Variants in MTMR2 observed in about 807,000 individuals in gnomAD.
MTMR2 encodes phosphatidylinositol-3,5-bisphosphate 3-phosphatase MTMR2.
A neutral mutation model predicts 86.9 loss-of-function variants in MTMR2; 55 were observed. The ratio of observed to expected loss-of-function variants is 0.63; its 90% CI spans 0.51 to 0.79. The LOEUF is 0.79. Ranked by LOEUF, MTMR2 falls within the 30% of genes least tolerant of loss-of-function variation. The pLI is 0.00. For missense variants in MTMR2, 659 were observed against 772.3 expected (o/e 0.85, Z 1.74); for synonymous variants, 241 against 266.8 (o/e 0.90, Z 0.94).
chr11:95,838,274 G>A (rs1188519927), intron 12 of MTMR2, 67 bp from the exon 13 acceptor site: 3 of 868,090 alleles, frequency 3.5e-6, no homozygotes, highest in Non-Finnish European at 5.9e-6. Flanking sequence ...CCTGTCATGG[G>A]TAGATCCTTT....
intron 1 of MTMR2, among the ~76,000 whole-genome samples, chr11:95,920,842 A>G (rs1866894765): frequency 6.6e-6 from 1 of 152,000 alleles, no homozygotes; most frequent in Non-Finnish European, 1.5e-5. Flanking sequence ...GGCTCAAGTG[A>G]TCCTCCCACC....
intron 13 of MTMR2, among the ~76,000 whole-genome samples, chr11:95,836,704 G>T (rs1476392016): frequency 2.0e-5 from 3 of 151,922 alleles, no homozygotes; most frequent in African/African-American, 7.2e-5. Flanking sequence ...ATATTATTCA[G>T]CCATAAAAAG....
chr11:95,866,981 A>G (rs1384446338), intron 2 of MTMR2, among the ~76,000 whole-genome samples: 1 of 152,142 alleles, frequency 6.6e-6, no homozygotes, highest in African/African-American at 2.4e-5. Flanking sequence ...TAAAGTACTT[A>G]TATCAGTGTT....
chr11:95,892,416 A>C (rs1468672475), intron 1 of MTMR2, among the ~76,000 whole-genome samples: 1 of 152,306 alleles, frequency 6.6e-6, no homozygotes, highest in Non-Finnish European at 1.5e-5. Context: ...CTATAACTGC[A>C]CTTAACACTT....
At position 95,862,273 on chromosome 11, in the gene MTMR2, C is replaced by G; in HGVS notation, c.356G>C (p.Arg119Pro). 6.2e-7 allele frequency: 1 copy of G among 1,613,276 alleles called. No individual in the cohort carries two copies. The highest frequency in any genetic ancestry group is 2.2e-5 in the East Asian group (1 of 44,838). ...ACAAAAATCTAATCTGACTCTTACC[C>G]GTTCCATGCTTTTGAAATATAACCT... ...NYRLYFKSME[R>P]DPPFVLDASL... The change falls in exon 4 of 15, where the codon CGG (arginine) becomes CCG (proline). Residue 119 changes from arginine (R) to proline (P), a missense_variant and splice_region_variant. Transcript: ENST00000346299.
chr11:95,904,940 C>T (rs1047898337), intron 1 of MTMR2, among the ~76,000 whole-genome samples: 4 of 152,304 alleles, frequency 2.6e-5, no homozygotes, highest in Admixed American at 2.6e-4. Flanking sequence ...GCCTTTGCCT[C>T]CACCACACCA....
At position 95,899,887 on chromosome 11, in the gene MTMR2, A is replaced by G. The variant is rs1591036877; in HGVS notation, c.81-11626T>C. 2.0e-5 allele frequency among the ~76,000 whole-genome samples: 3 copies of G among 152,264 alleles called. No homozygotes were observed. The South Asian group carries it at 6.2e-4, about 32-fold the overall frequency. ...CTATGTTCCGTGAATAAACCTCGAT[A>G]CCATGCTAAAAATCCAGATTATGTT... is the stretch of plus-strand genomic sequence containing the variant. On this transcript the variant is annotated intron_variant, in intron 1 of 14. Transcript: ENST00000346299.
chr11:95,848,996 G>A (rs1232770077), intron 9 of MTMR2, among the ~76,000 whole-genome samples: 1 of 152,092 alleles, frequency 6.6e-6, no homozygotes, highest in Non-Finnish European at 1.5e-5. Context: ...CTGGATTCAG[G>A]TAGTGGCATG....
rs1219625166 is a variant in MTMR2, at chr11:95,834,474, T to C, written c.*816A>G. On this transcript the variant is annotated 3_prime_UTR_variant, in exon 15 of 15. Coordinates refer to ENST00000346299, the MANE Select transcript of MTMR2 (RefSeq NM_016156.6). ...ACTTCTTAAAAACTTGCTAATTAGCTTCTGTGTGTTCAGACACACAAGACA... is the reference window on the plus strand; with the variant it reads ...ACTTCTTAAAAACTTGCTAATTAGCCTCTGTGTGTTCAGACACACAAGACA... The C allele has an allele frequency of 6.6e-6, 1 of 152,084 alleles. No homozygotes were observed. Among genetic ancestry groups the C allele is most frequent in the African/African-American group, 2.4e-5 (1 of 41,430 alleles). 9.4% of individuals were successfully genotyped at this position (152,084 alleles called of 1,614,324 possible). A position where few individuals can be genotyped will look rare whatever the true frequency, so the allele number is the denominator to read the frequency against.
chr11:95,854,794 C>T (rs559057239), intron 7 of MTMR2, among the ~76,000 whole-genome samples: 1 of 150,746 alleles, frequency 6.6e-6, no homozygotes, highest in Admixed American at 6.6e-5. Context: ...GATTTTTACC[C>T]ATGACTTGAT....
At chr11:95,847,591 C>G in intron 10 of MTMR2, 123 bp downstream of exon 10, 1 of 884,178 alleles carries the variant, frequency 1.1e-6, no homozygotes, top group South Asian at 1.4e-5. Flanking sequence ...AGTATCAAAG[C>G]ATTTACCCAT....
intron 2 of MTMR2, among the ~76,000 whole-genome samples, chr11:95,880,402 A>C (rs1865282640): frequency 6.6e-6 from 1 of 152,242 alleles, no homozygotes; most frequent in East Asian, 1.9e-4. Context: ...TATCACGTAC[A>C]CAAATAATGT....
chr11:95,923,875 C>G lies in MTMR2; in HGVS notation c.80G>C (p.Ser27Thr), dbSNP rs879253940. 38 of 1,553,432 alleles carry G rather than the reference C, an allele frequency of 2.4e-5. 1 individual carries two copies. Among genetic ancestry groups the G allele is most frequent in the African/African-American group, 4.1e-5 (3 of 73,254 alleles). Reference sequence around the variant, plus strand: ...GCGGGGCCCTGGGCGTCCTGGTTACCTGGACAAGGAGTCCACGCTGGGCGG... The same window carrying G: ...GCGGGGCCCTGGGCGTCCTGGTTACGTGGACAAGGAGTCCACGCTGGGCGG... ...ARPPSVDSLS[S>T]ASTSHSENSV... The change falls in exon 1 of 15, where the codon AGT becomes ACT. Residue 27 changes from serine (S) to threonine (T), a missense_variant and splice_region_variant. Ser to Thr is a moderately conservative substitution (Grantham distance 58, BLOSUM62 1). Transcript: ENST00000346299.
intron 11 of MTMR2, among the ~76,000 whole-genome samples, chr11:95,842,660 A>G (rs2135419940): frequency 6.6e-6 from 1 of 152,346 alleles, no homozygotes; most frequent in South Asian, 2.1e-4. Context: ...GGTCAAAACT[A>G]TTTCCATAAT....
At chr11:95,922,193 T>C (rs752887776) in intron 1 of MTMR2, among the ~76,000 whole-genome samples, 10 of 152,200 alleles carry the variant, frequency 6.6e-5, no homozygotes, top group Non-Finnish European at 1.2e-4. Context: ...AAAGTCTAAA[T>C]GAAAAGACCA....
chr11:95,847,608 T>C (rs1863844610), intron 10 of MTMR2, 106 bp downstream of exon 10: 6 of 1,023,094 alleles, frequency 5.9e-6, no homozygotes, highest in South Asian at 1.3e-5. Context: ...CCATTTTTCA[T>C]TGTTTAGAAA....
At chr11:95,854,456 G>T (rs540790106) in intron 7 of MTMR2, among the ~76,000 whole-genome samples, 35 of 152,238 alleles carry the variant, frequency 2.3e-4, no homozygotes, top group African/African-American at 8.4e-4. Context: ...AGAAGACCGT[G>T]CTCGTTATCT....
intron 1 of MTMR2, among the ~76,000 whole-genome samples, chr11:95,920,211 T>A (rs767682054): frequency 3.3e-5 from 5 of 152,258 alleles, no homozygotes; most frequent in Non-Finnish European, 5.9e-5. Context: ...GGGATAGATA[T>A]ACATGAAGAA....
chr11:95,900,756 C>G (rs944511919), intron 1 of MTMR2, among the ~76,000 whole-genome samples: 53 of 152,288 alleles, frequency 3.5e-4, no homozygotes, highest in Non-Finnish European at 7.5e-4. Flanking sequence ...CATGCATAAA[C>G]TTACACAATA....
Sources: allele counts gnomAD v4.1 joint callset (sites outside exome capture counted in the v4.1 genomes callset), GRCh38; gene constraint gnomAD v4.1.1; transcripts MANE v1.5; gene names NCBI Gene and HGNC (gene_info 2026-07-23, HGNC 2026-07-21).